Variants in NR2C2 observed in about 807,000 individuals in gnomAD.
NR2C2 encodes Nuclear hormone receptor TR4.
Under a neutral mutation model 62.9 loss-of-function variants are expected in NR2C2, and 6 were observed. The observed-to-expected ratio is 0.10, with a 90% confidence interval of 0.05 to 0.19. NR2C2 has a LOEUF of 0.19. Among genes scored for constraint, NR2C2 ranks in the 10% least tolerant of loss-of-function variants. The pLI is 1.00. For missense variants in NR2C2, 479 were observed against 762.7 expected, an observed-to-expected ratio of 0.63 and a Z score of 4.38; for synonymous variants, 272 against 273.8, an observed-to-expected ratio of 0.99 and a Z score of 0.07.
At chr3:14,975,541 C>T (rs2040179504) in intron 1 of NR2C2, among the ~76,000 whole-genome samples, 1 of 152,122 alleles carries the variant, frequency 6.6e-6, no homozygotes, top group Non-Finnish European at 1.5e-5. Flanking sequence ...TATGTTGAAC[C>T]ACTCTTGCAT....
chr3:15,009,052 C>T (rs2041273692), intron 2 of NR2C2, among the ~76,000 whole-genome samples: 1 of 151,524 alleles, frequency 6.6e-6, no homozygotes, highest in African/African-American at 2.4e-5. Context: ...GAAATCCCAT[C>T]TCTACTAAAA....
At position 15,020,935 on chromosome 3, in the gene NR2C2, G is replaced by T; in HGVS notation, c.556+3G>T. On this transcript the variant is annotated splice_donor_region_variant and intron_variant, in intron 5 of 13. Coordinates refer to ENST00000425241, the MANE Select transcript of NR2C2 (RefSeq NM_001291694.2). ...AGAGATGGGCATGAAAATGGAATGT[G>T]AGTAACAATATTTAAAAACCACATG... The T allele has an allele frequency of 6.2e-7, 1 of 1,613,094 alleles. No homozygotes were observed. The highest frequency in any genetic ancestry group is 1.1e-5 in the South Asian group (1 of 91,068).
intron 13 of NR2C2, among the ~76,000 whole-genome samples, chr3:15,040,926 C>G (rs1351581634): frequency 6.6e-6 from 1 of 152,212 alleles, no homozygotes; most frequent in Non-Finnish European, 1.5e-5. Context: ...GGAAATGGCC[C>G]TCTGGGGCTA....
At chr3:15,015,911 C>T (rs1020747171) in intron 3 of NR2C2, among the ~76,000 whole-genome samples, 2 of 152,142 alleles carry the variant, frequency 1.3e-5, no homozygotes, top group African/African-American at 2.4e-5. Context: ...AAGCAATTCT[C>T]CTGCCTCAGC....
chr3:14,980,675 A>C (rs1316848314), intron 1 of NR2C2, among the ~76,000 whole-genome samples: 1 of 152,242 alleles, frequency 6.6e-6, no homozygotes, highest in African/African-American at 2.4e-5. Context: ...TTAAATTCCT[A>C]ATAAACAGAG....
chr3:15,037,079 G>T (rs2042121832), intron 11 of NR2C2, among the ~76,000 whole-genome samples: 1 of 151,250 alleles, frequency 6.6e-6, no homozygotes, highest in African/African-American at 2.4e-5. Flanking sequence ...CCAAGATTGT[G>T]TCACTGCACT....
intron 1 of NR2C2, among the ~76,000 whole-genome samples, chr3:14,976,602 CTTTT>C (rs533538010): frequency 1.5e-4 from 14 of 90,724 alleles, no homozygotes; most frequent in African/African-American, 4.6e-4. Context: ...TCCTTCCTTC[CTTTT>C]TTTTTTTTTT....
chr3:14,969,373 G>A (rs1380266739), intron 1 of NR2C2, among the ~76,000 whole-genome samples: 1 of 151,274 alleles, frequency 6.6e-6, no homozygotes, highest in Non-Finnish European at 1.5e-5. Context: ...CTCCCGAGTA[G>A]CTGGGACTAC....
intron 1 of NR2C2, among the ~76,000 whole-genome samples, chr3:14,967,403 T>A (rs60525158): frequency 0.019 from 2,961 of 152,150 alleles, 92 homozygotes; most frequent in African/African-American, 0.067. Flanking sequence ...TCCACTAGAA[T>A]GGCTAGAATA....
chr3:15,023,279 T>C lies in NR2C2; in HGVS notation c.636T>C (p.Tyr212=). The change falls in exon 6 of 14, where the codon TAT becomes TAC. Residue 212 remains tyrosine (Y), a synonymous_variant. Coordinates refer to ENST00000425241, the MANE Select transcript of NR2C2 (RefSeq NM_001291694.2). ...GTGCTGCTTCAACTGAGAAAATCTA[T>C]ATCCGGAAAGACCTGAGAAGTCCCC... The part of the protein sequence containing the change: ...SNCAASTEKI[Y]IRKDLRSPLI... The C allele has an allele frequency of 1.2e-6, 2 of 1,614,240 alleles. No individual in the cohort carries two copies. The highest frequency in any genetic ancestry group is 1.7e-6 in the Non-Finnish European group (2 of 1,180,032).
At chr3:15,009,078 G>A (rs910258414) in intron 2 of NR2C2, among the ~76,000 whole-genome samples, 1 of 111,154 alleles carries the variant, frequency 9.0e-6, no homozygotes, top group Non-Finnish European at 2.3e-5. Flanking sequence ...AAAAATTAGC[G>A]GGGCATGGTG....
intron 3 of NR2C2, among the ~76,000 whole-genome samples, chr3:15,014,489 G>A (rs925765740): frequency 4.6e-5 from 7 of 151,192 alleles, no homozygotes; most frequent in African/African-American, 1.7e-4. Flanking sequence ...TTTAATTTTT[G>A]ATAAAATACA....
chr3:14,949,421 G>A (rs1047901472), intron 1 of NR2C2, among the ~76,000 whole-genome samples: 3 of 152,218 alleles, frequency 2.0e-5, no homozygotes, highest in Non-Finnish European at 2.9e-5. Flanking sequence ...GGCTGCTTGT[G>A]GCTGGAGAGT....
In NR2C2 at chr3:15,029,792, AATAGATAGATAGATAG is replaced by A. The variant is rs144596298; in HGVS notation, c.933-447_933-432del. 1.7e-3 allele frequency among the ~76,000 whole-genome samples: 230 copies of A among 139,300 alleles called. 1 individual carries two copies. The highest frequency in any genetic ancestry group is 6.7e-3 in the South Asian group (29 of 4,332). The allele number at this position is 139,300 out of a possible 152,430, so 91.4% of individuals were successfully genotyped here. The stretch of plus-strand genomic sequence containing the variant: ...CCCATCTCTGAAAAAGTAAATAAAT[AATAGATAGATAGATAG>A]ATAGATAGATAGATAGATAGATAGA... On this transcript the variant is annotated intron_variant, in intron 8 of 13. Transcript: ENST00000425241.
chr3:15,014,918 T>A (rs904333721), intron 3 of NR2C2, among the ~76,000 whole-genome samples: 17 of 152,208 alleles, frequency 1.1e-4, no homozygotes, highest in African/African-American at 4.1e-4. Flanking sequence ...CTGCTTAGAA[T>A]CTCTGTTTTG....
intron 1 of NR2C2, among the ~76,000 whole-genome samples, chr3:14,955,264 A>T (rs536874341): frequency 3.9e-5 from 6 of 152,332 alleles, no homozygotes; most frequent in Non-Finnish European, 8.8e-5. Context: ...CAAAGTTCTA[A>T]AAGAACTGCC....
At chr3:14,959,136 G>A (rs1464394998) in intron 1 of NR2C2, 4 of 152,294 alleles carry the variant, frequency 2.6e-5, no homozygotes, top group Admixed American at 2.0e-4. Context: ...CCTTCTCACT[G>A]TGTGATCTTT....
intron 11 of NR2C2, among the ~76,000 whole-genome samples, chr3:15,035,890 T>C (rs1347204015): frequency 4.6e-5 from 7 of 152,190 alleles, no homozygotes; most frequent in Admixed American, 2.0e-4. Flanking sequence ...TAGCCAGGCG[T>C]GATGGTGGGC....
intron 1 of NR2C2, among the ~76,000 whole-genome samples, chr3:14,956,500 C>T (rs2039528740): frequency 6.6e-6 from 1 of 152,144 alleles, no homozygotes; most frequent in Non-Finnish European, 1.5e-5. Context: ...TACAGTTTAA[C>T]AGGGCGAATT....
Sources: gnomAD v4.1 joint callset for allele counts (sites outside exome capture counted in the v4.1 genomes callset) on GRCh38, gnomAD v4.1.1 for gene constraint, MANE v1.5 for transcripts, NCBI Gene and HGNC (gene_info 2026-07-23, HGNC 2026-07-21) for gene names.